Variants in TEF observed in about 807,000 individuals in gnomAD.
The protein encoded by TEF is thyrotroph embryonic factor.
In TEF, 3 loss-of-function variants were observed where a neutral mutation model predicts 20.8. The ratio of observed to expected loss-of-function variants is 0.14; its 90% CI spans 0.07 to 0.37. TEF has a LOEUF of 0.37. TEF is among the 10% of genes least tolerant of loss of function. TEF has a pLI of 1.00. For missense variants in TEF, 296 were observed against 397.9 expected (o/e 0.74, Z 2.18); for synonymous variants, 180 against 171.1 (o/e 1.05, Z -0.41).
At chr22:41,385,510 G>C (rs572288853) in intron 1 of TEF, among the ~76,000 whole-genome samples, 1 of 152,132 alleles carries the variant, frequency 6.6e-6, no homozygotes, top group African/African-American at 2.4e-5. Flanking sequence ...TCCTCCCTGG[G>C]CTGGGTTGCT....
rs886400789 is a variant in TEF, at chr22:41,376,930, G to A, written c.67+9331G>A. On this transcript the variant is annotated intron_variant, in intron 1 of 3. Coordinates refer to the TEF transcript ENST00000406644. ...GTGGCTGGGTCAGAAACTGAGGAAG[G>A]CCTCCCCACAAAGTCACTGCTGCCC... Among the ~76,000 whole-genome samples, 3 of 152,228 alleles carry A rather than the reference G, an allele frequency of 2.0e-5. No individual in the cohort carries two copies. In the South Asian group the frequency reaches 6.2e-4, roughly 32 times the overall value.
intron 1 of TEF, among the ~76,000 whole-genome samples, chr22:41,373,740 T>C (rs1397123113): frequency 6.6e-6 from 1 of 151,396 alleles, no homozygotes; most frequent in Admixed American, 6.6e-5. Flanking sequence ...AGTGCTGGGA[T>C]TACAGTCGTA....
intron 1 of TEF, among the ~76,000 whole-genome samples, chr22:41,384,338 C>T (rs911964857): frequency 8.6e-5 from 13 of 152,022 alleles, no homozygotes; most frequent in African/African-American, 2.9e-4. Context: ...TTTAATTGCC[C>T]TCTCTTGGAT....
rs2037200135 is a variant in TEF at position 41,394,178 on chromosome 22, C to T, written c.558C>T (p.Asp186=). 3 of 1,614,152 alleles carry T rather than the reference C, an allele frequency of 1.9e-6. No homozygotes were observed. Among genetic ancestry groups the T allele is most frequent in the South Asian group, 2.2e-5 (2 of 91,084 alleles). Reference sequence around the variant, plus strand: ...AAGTGGATGTGAACTTCAATCCGGACCCCGCCGACCTGGTGCTCTCCAGTG... The same window carrying T: ...AAGTGGATGTGAACTTCAATCCGGATCCCGCCGACCTGGTGCTCTCCAGTG... ...CVEVDVNFNP[D]PADLVLSSVP... is the part of the protein sequence containing the mutation. Residue 186 remains aspartate, a synonymous_variant, in exon 3 of 4, where the codon GAC becomes GAT. Coordinates refer to ENST00000266304, the MANE Select transcript of TEF (RefSeq NM_003216.4).
At chr22:41,393,277 G>C (rs2037188451) in intron 2 of TEF, among the ~76,000 whole-genome samples, 2 of 151,354 alleles carry the variant, frequency 1.3e-5, no homozygotes, top group Admixed American at 1.3e-4. Flanking sequence ...GAAGGTCGAG[G>C]GTGCAGTGAG....
intron 1 of TEF, among the ~76,000 whole-genome samples, chr22:41,369,547 G>A (rs1454548863): frequency 6.6e-6 from 1 of 152,200 alleles, no homozygotes; most frequent in Non-Finnish European, 1.5e-5. Context: ...GACTCACAAT[G>A]ACTGCAGCAC....
At chr22:41,393,471 T>A (rs2037190455) in intron 2 of TEF, among the ~76,000 whole-genome samples, 1 of 151,870 alleles carries the variant, frequency 6.6e-6, no homozygotes, top group Admixed American at 6.6e-5. Context: ...AATTTAATGT[T>A]TTAGGCTGGG....
upstream of TEF, among the ~76,000 whole-genome samples, chr22:41,378,586 C>T (rs968286002): frequency 2.0e-5 from 3 of 152,080 alleles, no homozygotes; most frequent in Admixed American, 6.6e-5. Flanking sequence ...TCTTGTGATC[C>T]TCCCGGCTCG....
chr22:41,389,414 G>C (rs1360964847), intron 2 of TEF, among the ~76,000 whole-genome samples: 1 of 145,992 alleles, frequency 6.8e-6, no homozygotes, highest in African/African-American at 2.6e-5. Context: ...GAAAAAAAAA[G>C]ATCGAGACCA....
At chr22:41,382,817 G>A (rs2037051844) in intron 1 of TEF, 1 of 456,586 alleles carries the variant, frequency 2.2e-6, no homozygotes, top group African/African-American at 2.0e-5. Flanking sequence ...GAGGCGCCTT[G>A]GGAGGGGAGT....
chr22:41,373,562 C>G (rs910537097), intron 1 of TEF, among the ~76,000 whole-genome samples: 16 of 151,634 alleles, frequency 1.1e-4, no homozygotes, highest in Admixed American at 4.6e-4. Flanking sequence ...CTCCGCCTCC[C>G]AGGTTCAAGC....
At chr22:41,377,861 T>C (rs1035205462), upstream of TEF, among the ~76,000 whole-genome samples, 2 of 152,136 alleles carry the variant, frequency 1.3e-5, no homozygotes, top group African/African-American at 2.4e-5. Flanking sequence ...CAGCGTCACT[T>C]GCCTGTTAGG....
chr22:41,378,116 T>C (rs1043972734), upstream of TEF, among the ~76,000 whole-genome samples: 2 of 151,560 alleles, frequency 1.3e-5, no homozygotes, highest in Non-Finnish European at 2.9e-5. Context: ...AGCCATCAAG[T>C]CTCCTCATGG....
At chr22:41,378,470 C>G (rs548114151), upstream of TEF, among the ~76,000 whole-genome samples, 14 of 151,950 alleles carry the variant, frequency 9.2e-5, no homozygotes, top group Non-Finnish European at 1.6e-4. Context: ...TTCAACCTCC[C>G]GAGTTGCTGG....
intron 1 of TEF, among the ~76,000 whole-genome samples, chr22:41,382,696 G>A (rs1206094766): frequency 6.6e-6 from 1 of 152,124 alleles, no homozygotes; most frequent in African/African-American, 2.4e-5. Context: ...CCTCCCGGAG[G>A]GACCTGGCTT....
Position 41,381,976 on chromosome 22 carries a change from C to G in TEF, c.-69C>G, listed in dbSNP as rs372032176. The G allele has an allele frequency of 7.4e-5, 91 of 1,226,444 alleles. No individual in the cohort carries two copies. The East Asian group carries it at 2.3e-3, about 31-fold the overall frequency. 76.0% of individuals were successfully genotyped at this position (1,226,444 alleles called of 1,614,324 possible). ...GCCCGTGTCGGCAGCTGCAGCGGGT[C>G]GCACGGCTCCGGCCCATCTCGGGGG... On this transcript the variant is annotated 5_prime_UTR_variant, in exon 1 of 4. Coordinates refer to ENST00000266304, the MANE Select transcript of TEF (RefSeq NM_003216.4).
upstream of TEF, among the ~76,000 whole-genome samples, chr22:41,380,600 C>A (rs117247796): frequency 0.02 from 3,061 of 152,308 alleles, 48 homozygotes; most frequent in Non-Finnish European, 0.033. Context: ...TGTAGGGATG[C>A]TGGATAAACA....
At chr22:41,370,906 T>G (rs900172661) in intron 1 of TEF, among the ~76,000 whole-genome samples, 4 of 152,204 alleles carry the variant, frequency 2.6e-5, no homozygotes, top group African/African-American at 9.7e-5. Flanking sequence ...GGCTTCTTGG[T>G]GGCCTTCACT....
chr22:41,394,090 T>G lies in TEF; in HGVS notation c.476-6T>G, dbSNP rs1487727342. ...CTTCGGGACCACCTGTCTCTGTGTC[T>G]TTTAGAATCTTCCCTGGAGAAGGAG... is the stretch of plus-strand genomic sequence containing the variant. On this transcript the variant is annotated splice_polypyrimidine_tract_variant and splice_region_variant and intron_variant, in intron 2 of 3. Transcript: ENST00000266304. 2.5e-6 allele frequency: 4 copies of G among 1,613,616 alleles called. No homozygotes were observed. In the African/African-American group the frequency reaches 5.3e-5, roughly 22 times the overall value.
Sources: allele counts gnomAD v4.1 joint callset (sites outside exome capture counted in the v4.1 genomes callset), GRCh38; gene constraint gnomAD v4.1.1; transcripts MANE v1.5; gene names NCBI Gene and HGNC (gene_info 2026-07-23, HGNC 2026-07-21).